Variants in SLC9A9 observed in about 807,000 individuals in gnomAD.
SLC9A9 encodes the protein sodium/hydrogen exchanger 9.
SLC9A9 carries 62 observed loss-of-function variants against 77.8 expected under a neutral mutation model. That is an observed-to-expected ratio of 0.80 (90% CI 0.65 to 0.98). The LOEUF (loss-of-function observed/expected upper bound fraction) is 0.98. Among genes scored for constraint, SLC9A9 ranks in the 50% least tolerant of loss-of-function variants. The pLI, the probability that SLC9A9 is intolerant of heterozygous loss-of-function variation, is 0.00. For missense variants in SLC9A9, 775 were observed against 774.9 expected, an observed-to-expected ratio of 1.00 and a Z score of 0.00; for synonymous variants, 320 against 283.5, an observed-to-expected ratio of 1.13 and a Z score of -1.29.
intron 13 of SLC9A9, among the ~76,000 whole-genome samples, chr3:143,378,113 C>A (rs953119379): frequency 3.9e-5 from 6 of 152,206 alleles, no homozygotes; most frequent in African/African-American, 1.4e-4. Flanking sequence ...TTACTGTGAT[C>A]ATGCTTTGAA....
At chr3:143,721,621 G>A (rs577780847) in intron 4 of SLC9A9, among the ~76,000 whole-genome samples, 34 of 152,290 alleles carry the variant, frequency 2.2e-4, no homozygotes, top group Admixed American at 4.6e-4. Context: ...TGATGCCACA[G>A]AGGTGAGAAA....
At chr3:143,437,369 G>T (rs928139728) in intron 12 of SLC9A9, among the ~76,000 whole-genome samples, 3 of 152,206 alleles carry the variant, frequency 2.0e-5, no homozygotes, top group Non-Finnish European at 4.4e-5. Flanking sequence ...GAACTGCCCT[G>T]GTCCTTGGCC....
At chr3:143,560,579 T>C (rs1390915748) in intron 8 of SLC9A9, among the ~76,000 whole-genome samples, 3 of 152,182 alleles carry the variant, frequency 2.0e-5, no homozygotes. Flanking sequence ...GTAATTATTA[T>C]CAAGAAAATC....
chr3:143,265,819 C>A lies in SLC9A9; in HGVS notation c.*883G>T. On this transcript the variant is annotated 3_prime_UTR_variant, in exon 16 of 16. Coordinates refer to ENST00000316549, the MANE Select transcript of SLC9A9 (RefSeq NM_173653.4). The stretch of plus-strand genomic sequence containing the variant: ...GCTGGAATTGGAGGACAGGTTGGGG[C>A]TCCTGCACAGTCTGCTGCCAGGTAG... 1.7e-6 allele frequency: 1 copy of A among 584,770 alleles called. No homozygotes were observed. The highest frequency in any genetic ancestry group is 3.0e-6 in the Non-Finnish European group (1 of 328,556). 36.2% of individuals were successfully genotyped at this position (584,770 alleles called of 1,614,324 possible). A position where few individuals can be genotyped will look rare whatever the true frequency, so the allele number is the denominator to read the frequency against.
At chr3:143,291,759 T>C (rs1405671840) in intron 14 of SLC9A9, among the ~76,000 whole-genome samples, 1 of 152,210 alleles carries the variant, frequency 6.6e-6, no homozygotes, top group East Asian at 1.9e-4. Flanking sequence ...TGAGGTGCCA[T>C]TCCTTTTTCC....
rs536978168 is a variant in SLC9A9 at position 143,770,275 on chromosome 3, C to G, written c.533+24726G>C. On this transcript the variant is annotated intron_variant, in intron 4 of 15. Transcript: ENST00000316549. ...AAAGGAAGAGAAAATAGCAATATTC[C>G]TATCGATATTAAAACATATTTTACA... Among the ~76,000 whole-genome samples the G allele has an allele frequency of 1.6e-3, 236 of 151,976 alleles. 1 individual carries two copies. Among genetic ancestry groups the G allele is most frequent in the Middle Eastern group, 0.01 (3 of 294 alleles).
chr3:143,848,190 G>T lies in SLC9A9; in HGVS notation c.133C>A (p.Arg45=), dbSNP rs769068925. The change falls in exon 1 of 16, where the codon CGA becomes AGA. Residue 45 remains arginine, a synonymous_variant. Coordinates refer to ENST00000316549, the MANE Select transcript of SLC9A9 (RefSeq NM_173653.4). ...ILTIWLFKNH[R]FRFLHETGGA... is the part of the protein sequence containing the mutation. ...CCAGTTTCATGCAAGAAGCGGAATC[G>T]ATGATTTTTAAATAACCAGATTGTC... 6.2e-7 allele frequency: 1 copy of T among 1,613,976 alleles called. No homozygotes were observed. Among genetic ancestry groups the T allele is most frequent in the Non-Finnish European group, 8.5e-7 (1 of 1,179,914 alleles).
At chr3:143,485,921 A>T (rs937357241) in intron 11 of SLC9A9, among the ~76,000 whole-genome samples, 6 of 152,092 alleles carry the variant, frequency 3.9e-5, no homozygotes, top group Non-Finnish European at 5.9e-5. Flanking sequence ...AAAGAGAGAG[A>T]CATGAATATA....
intron 8 of SLC9A9, among the ~76,000 whole-genome samples, chr3:143,571,217 G>A (rs1418640616): frequency 6.6e-6 from 1 of 152,074 alleles, no homozygotes; most frequent in Non-Finnish European, 1.5e-5. Flanking sequence ...ACCCATACAA[G>A]GCTCCACGAT....
intron 4 of SLC9A9, among the ~76,000 whole-genome samples, chr3:143,757,454 A>T (rs2006960724): frequency 1.3e-5 from 2 of 152,072 alleles, no homozygotes; most frequent in Non-Finnish European, 2.9e-5. Context: ...GTGACTCCTG[A>T]TCTAAATAAT....
intron 8 of SLC9A9, among the ~76,000 whole-genome samples, chr3:143,563,481 A>G (rs936209918): frequency 6.6e-6 from 1 of 152,176 alleles, no homozygotes. Flanking sequence ...GTCACAGTTC[A>G]GACACTTTGC....
In SLC9A9 at chr3:143,801,425, T is replaced by C. The variant is rs150278941; in HGVS notation, c.379-4522A>G. ...AATCTATTTTCTTCCTCACACTTGA[T>C]GCATATACTTTCTGCTCCCCAGCTC... On this transcript the variant is annotated intron_variant, in intron 2 of 15. Coordinates refer to ENST00000316549, the MANE Select transcript of SLC9A9 (RefSeq NM_173653.4). Among the ~76,000 whole-genome samples, 849 of 152,312 alleles carry C rather than the reference T, an allele frequency of 5.6e-3. 1 individual carries two copies. Among genetic ancestry groups the C allele is most frequent in the Admixed American group, 8.2e-3 (126 of 15,300 alleles).
chr3:143,337,777 G>C (rs1288152067), intron 14 of SLC9A9, among the ~76,000 whole-genome samples: 2 of 152,190 alleles, frequency 1.3e-5, no homozygotes, highest in South Asian at 2.1e-4. Flanking sequence ...CCAAAGACAG[G>C]GAAGGGGAAT....
At chr3:143,565,709 G>T (rs889997219) in intron 8 of SLC9A9, among the ~76,000 whole-genome samples, 1 of 147,856 alleles carries the variant, frequency 6.8e-6, no homozygotes, top group Admixed American at 6.7e-5. Flanking sequence ...GAGCCTCAGG[G>T]TTTTGTTTTT....
At chr3:143,682,356 G>T (rs1161612981) in intron 5 of SLC9A9, among the ~76,000 whole-genome samples, 1 of 151,864 alleles carries the variant, frequency 6.6e-6, no homozygotes, top group Non-Finnish European at 1.5e-5. Context: ...AAACAAGGGT[G>T]GTAAATTAAA....
At chr3:143,699,306 T>C (rs1207719555) in intron 4 of SLC9A9, among the ~76,000 whole-genome samples, 1 of 147,886 alleles carries the variant, frequency 6.8e-6, no homozygotes, top group East Asian at 2.0e-4. Context: ...ACCCCACAAA[T>C]ATAACAATTT....
In SLC9A9 at chr3:143,685,322, A is replaced by T. The variant is rs570981672; in HGVS notation, c.649+7870T>A. Among the ~76,000 whole-genome samples, 5 of 152,218 alleles carry T rather than the reference A, an allele frequency of 3.3e-5. No homozygotes were observed. The East Asian group carries it at 9.7e-4, about 29-fold the overall frequency. On this transcript the variant is annotated intron_variant, in intron 5 of 15. Transcript: ENST00000316549. ...GCCCATATCAATCTGGACTAGTCAC[A>T]TTTCTAGGGTTCAGTAGCAACATGT...
intron 6 of SLC9A9, among the ~76,000 whole-genome samples, chr3:143,587,329 G>A (rs920393518): frequency 7.2e-5 from 11 of 152,224 alleles, no homozygotes; most frequent in Admixed American, 1.3e-4. Context: ...GCAAATAAAT[G>A]TGTAATTCAA....
intron 4 of SLC9A9, among the ~76,000 whole-genome samples, chr3:143,752,706 G>A (rs931393228): frequency 6.7e-5 from 10 of 148,204 alleles, no homozygotes; most frequent in Admixed American, 2.7e-4. Flanking sequence ...TAAGTTATCC[G>A]TTAGATGCTC....
Sources: gnomAD v4.1 joint callset for allele counts (sites outside exome capture counted in the v4.1 genomes callset) on GRCh38, gnomAD v4.1.1 for gene constraint, MANE v1.5 for transcripts, NCBI Gene and HGNC (gene_info 2026-07-23, HGNC 2026-07-21) for gene names.